Variants in PDK1 observed in about 807,000 individuals in gnomAD.
PDK1 encodes the protein pyruvate dehydrogenase kinase 1, also known as [Pyruvate dehydrogenase (acetyl-transferring)] kinase isozyme 1, mitochondrial.
Under a neutral mutation model 54.2 loss-of-function variants are expected in PDK1, and 39 were observed. The observed-to-expected ratio is 0.72, with a 90% CI of 0.56 to 0.94. PDK1 has a LOEUF of 0.94. Among genes scored for constraint, PDK1 ranks in the 40% least tolerant of loss-of-function variants. The pLI is 0.00. For missense variants in PDK1, 552 were observed against 566.0 expected (o/e 0.98, Z 0.25); for synonymous variants, 221 against 207.1 (o/e 1.07, Z -0.58).
At chr2:172,627,716 C>G in the PDK1 span, among the ~76,000 whole-genome samples, 1 of 152,104 alleles carries the variant, frequency 6.6e-6, no homozygotes, top group Non-Finnish European at 1.5e-5. Flanking sequence ...CAACTTGATA[C>G]GCAAGAAGGT....
the PDK1 span, among the ~76,000 whole-genome samples, chr2:172,690,154 GAAA>G: frequency 6.7e-6 from 1 of 149,848 alleles, no homozygotes; most frequent in Admixed American, 6.8e-5. Flanking sequence ...AAATTTACAA[GAAA>G]AAAACAAACA....
At chr2:172,680,928 T>G in the PDK1 span, among the ~76,000 whole-genome samples, 1 of 152,226 alleles carries the variant, frequency 6.6e-6, no homozygotes, top group East Asian at 1.9e-4. Context: ...TTCTCTTTCT[T>G]TTTAGTGACT....
intron 8 of PDK1, among the ~76,000 whole-genome samples, chr2:172,573,834 GC>G (rs906216464): frequency 1.4e-4 from 22 of 152,148 alleles, no homozygotes; most frequent in African/African-American, 5.3e-4. Flanking sequence ...TTGCTATGTT[GC>G]CCAGGCTGGT....
chr2:172,612,384 C>T (rs1691489582), downstream of PDK1, among the ~76,000 whole-genome samples: 1 of 152,192 alleles, frequency 6.6e-6, no homozygotes, highest in South Asian at 2.1e-4. Flanking sequence ...AGCACATTTC[C>T]TGCATATAAT....
chr2:172,589,800 C>A (rs1449080273), intron 9 of PDK1, among the ~76,000 whole-genome samples: 1 of 152,142 alleles, frequency 6.6e-6, no homozygotes, highest in Non-Finnish European at 1.5e-5. Context: ...GTAATAAAAA[C>A]CATTTTCCCA....
downstream of PDK1, among the ~76,000 whole-genome samples, chr2:172,610,424 G>C (rs1263962793): frequency 6.6e-6 from 1 of 151,996 alleles, no homozygotes; most frequent in African/African-American, 2.4e-5. Flanking sequence ...CATGGTGGGG[G>C]GGCTCCTCCC....
At chr2:172,694,145 A>T in the PDK1 span, among the ~76,000 whole-genome samples, 1 of 152,196 alleles carries the variant, frequency 6.6e-6, no homozygotes, top group Non-Finnish European at 1.5e-5. Flanking sequence ...ACCCTTCACC[A>T]TAGGAAATGA....
the PDK1 span, among the ~76,000 whole-genome samples, chr2:172,639,019 C>A: frequency 6.6e-6 from 1 of 152,138 alleles, no homozygotes; most frequent in African/African-American, 2.4e-5. Flanking sequence ...CATTTTAGTA[C>A]CTTTTTAAAA....
chr2:172,661,884 G>A, the PDK1 span, among the ~76,000 whole-genome samples: 1 of 152,158 alleles, frequency 6.6e-6, no homozygotes, highest in Non-Finnish European at 1.5e-5. Flanking sequence ...GGGATCATTC[G>A]TATCTCAAAC....
the PDK1 span, among the ~76,000 whole-genome samples, chr2:172,707,468 G>C: frequency 3.3e-5 from 5 of 152,184 alleles, no homozygotes; most frequent in African/African-American, 1.2e-4. Context: ...TCTGGCTAGA[G>C]AGCAGAGGTT....
At chr2:172,620,574 C>T in the PDK1 span, among the ~76,000 whole-genome samples, 2 of 152,142 alleles carry the variant, frequency 1.3e-5, no homozygotes, top group Non-Finnish European at 2.9e-5. Context: ...ACTCAAATCT[C>T]ATGTTGAATT....
At position 172,570,768 on chromosome 2, in the gene PDK1, G is replaced by A. The variant is rs2149230676; in HGVS notation, c.889G>A (p.Val297Ile). 8.1e-6 allele frequency: 13 copies of A among 1,612,034 alleles called. No individual in the cohort carries two copies. Among genetic ancestry groups the A allele is most frequent in the Non-Finnish European group, 9.3e-6 (11 of 1,178,406 alleles). ...TATGGAACACCATGCCAACAGAGGT[G>A]TTTACCCCCCTATTCAAGTTCATGT... ...ATMEHHANRG[V>I]YPPIQVHVTL... The change falls in exon 8 of 11, where the codon GTT becomes ATT. Residue 297 changes from valine to isoleucine, a missense_variant. Val to Ile is a conservative substitution (Grantham distance 29). Transcript: ENST00000282077.
chr2:172,700,130 A>C, the PDK1 span, among the ~76,000 whole-genome samples: 5 of 152,190 alleles, frequency 3.3e-5, no homozygotes, highest in Admixed American at 3.3e-4. Context: ...AGTACAGAAC[A>C]AAATGGAGTC....
chr2:172,657,447 TGA>T, the PDK1 span, among the ~76,000 whole-genome samples: 32 of 139,470 alleles, frequency 2.3e-4, no homozygotes, highest in Admixed American at 2.9e-4. Flanking sequence ...TGCTTTTAAA[TGA>T]TGCTTATATT....
At chr2:172,696,344 T>C in the PDK1 span, among the ~76,000 whole-genome samples, 1 of 152,138 alleles carries the variant, frequency 6.6e-6, no homozygotes, top group Admixed American at 6.5e-5. Context: ...AATGAGGTAA[T>C]AAATTGTTTT....
the PDK1 span, among the ~76,000 whole-genome samples, chr2:172,640,491 A>G: frequency 2.0e-5 from 3 of 152,182 alleles, no homozygotes; most frequent in African/African-American, 7.2e-5. Context: ...GACTGAGAGA[A>G]AAAAATATAT....
At chr2:172,666,820 CAA>C in the PDK1 span, among the ~76,000 whole-genome samples, 1 of 152,128 alleles carries the variant, frequency 6.6e-6, no homozygotes, top group Non-Finnish European at 1.5e-5. Context: ...GAACAAAGAA[CAA>C]GAGAGCTGAA....
chr2:172,642,043 A>C, the PDK1 span, among the ~76,000 whole-genome samples: 2 of 152,136 alleles, frequency 1.3e-5, no homozygotes, highest in Non-Finnish European at 2.9e-5. Context: ...AGAAAGTTAG[A>C]GATGTTTGAG....
the PDK1 span, among the ~76,000 whole-genome samples, chr2:172,697,177 G>A: frequency 2.0e-5 from 3 of 152,026 alleles, no homozygotes; most frequent in African/African-American, 4.8e-5. Flanking sequence ...AGAAAATCTA[G>A]TTCTCTCATT....
Sources: allele counts gnomAD v4.1 joint callset (sites outside exome capture counted in the v4.1 genomes callset), GRCh38; gene constraint gnomAD v4.1.1; transcripts MANE v1.5; gene names NCBI Gene and HGNC (gene_info 2026-07-23, HGNC 2026-07-21).